The following ADGRA3 variants were observed in gnomAD, a reference collection of about 807,000 sequenced individuals.
The protein encoded by ADGRA3 is adhesion G protein-coupled receptor A3.
In ADGRA3, 56 loss-of-function variants were observed where a neutral mutation model predicts 119.8. The ratio of observed to expected loss-of-function variants is 0.47; its 90% CI spans 0.38 to 0.58. The LOEUF (loss-of-function observed/expected upper bound fraction) is 0.58, where lower values mean the gene tolerates loss of function less well. Among genes scored for constraint, ADGRA3 ranks in the 20% least tolerant of loss-of-function variants. The pLI is 0.00. For missense variants in ADGRA3, 1,516 were observed against 1,649.0 expected, an observed-to-expected ratio of 0.92 and a Z score of 1.40; for synonymous variants, 607 against 623.8, an observed-to-expected ratio of 0.97 and a Z score of 0.40.
intron 3 of ADGRA3, among the ~76,000 whole-genome samples, chr4:22,456,559 T>C (rs1407908152): frequency 1.3e-5 from 2 of 152,206 alleles, no homozygotes; most frequent in East Asian, 1.9e-4. Context: ...GGGGCTTTCA[T>C]GCCTTCGGCC....
chr4:22,395,625 C>T (rs1213344280), intron 16 of ADGRA3, among the ~76,000 whole-genome samples: 1 of 152,168 alleles, frequency 6.6e-6, no homozygotes, highest in South Asian at 2.1e-4. Context: ...CCTTTCTTCT[C>T]CCCTACGGTG....
intron 1 of ADGRA3, among the ~76,000 whole-genome samples, chr4:22,485,742 T>C (rs1213039475): frequency 6.6e-6 from 1 of 152,198 alleles, no homozygotes; most frequent in Non-Finnish European, 1.5e-5. Context: ...ACACAAAAGA[T>C]ACCTGGCACC....
chr4:22,415,033 G>A (rs143339534), intron 12 of ADGRA3, among the ~76,000 whole-genome samples: 17 of 151,396 alleles, frequency 1.1e-4, no homozygotes, highest in Admixed American at 3.3e-4. Flanking sequence ...TTCCTCTTCT[G>A]GACTCACACA....
At chr4:22,403,751 A>G (rs1714771626) in intron 14 of ADGRA3, among the ~76,000 whole-genome samples, 1 of 152,148 alleles carries the variant, frequency 6.6e-6, no homozygotes, top group Non-Finnish European at 1.5e-5. Flanking sequence ...CAAAAGAAAA[A>G]TAATTTAAAA....
intron 14 of ADGRA3, among the ~76,000 whole-genome samples, chr4:22,405,954 A>G (rs1008162891): frequency 2.6e-5 from 4 of 151,646 alleles, no homozygotes; most frequent in African/African-American, 7.3e-5. Context: ...ACCTTACTTC[A>G]CCCCCTCTTC....
At chr4:22,392,885 C>A in intron 16 of ADGRA3, 195 bp from the exon 17 acceptor site, 1 of 523,060 alleles carries the variant, frequency 1.9e-6, no homozygotes, top group Non-Finnish European at 3.3e-6. Flanking sequence ...CTCAAATACA[C>A]AAACCAACAA....
At chr4:22,443,055 A>G (rs1422314956) in intron 6 of ADGRA3, 192 bp from the exon 7 acceptor site, 1 of 682,934 alleles carries the variant, frequency 1.5e-6, no homozygotes. Flanking sequence ...AATTAAAAAG[A>G]AACAATTTCA....
chr4:22,453,985 C>T lies in ADGRA3; in HGVS notation c.473+881G>A, dbSNP rs569045412. On this transcript the variant is annotated intron_variant, in intron 4 of 18. Coordinates refer to ENST00000334304, the MANE Select transcript of ADGRA3 (RefSeq NM_145290.4). ...AAGCAATTCTCGTGACTCAGCCTCC[C>T]GAGTAGCTGGGACTACAGGCATGTG... Among the ~76,000 whole-genome samples the T allele has an allele frequency of 7.2e-5, 11 of 152,068 alleles. No individual in the cohort carries two copies. In the South Asian group the frequency reaches 1.0e-3, roughly 14 times the overall value.
chr4:22,502,505 A>G (rs1401287441), intron 1 of ADGRA3, among the ~76,000 whole-genome samples: 1 of 152,186 alleles, frequency 6.6e-6, no homozygotes, highest in African/African-American at 2.4e-5. Flanking sequence ...AAGAGGATGG[A>G]TTCAAGCTAG....
At chr4:22,497,095 G>A (rs1401949885) in intron 1 of ADGRA3, among the ~76,000 whole-genome samples, 1 of 152,328 alleles carries the variant, frequency 6.6e-6, no homozygotes, top group East Asian at 1.9e-4. Flanking sequence ...CCCACTTAGA[G>A]AGAGTTAGGT....
At chr4:22,502,144 T>C (rs1161856713) in intron 1 of ADGRA3, among the ~76,000 whole-genome samples, 1 of 152,228 alleles carries the variant, frequency 6.6e-6, no homozygotes, top group Non-Finnish European at 1.5e-5. Context: ...GCAGCCAAGC[T>C]AGCCAGGTAC....
intron 16 of ADGRA3, chr4:22,393,725 A>G (rs1330343197): frequency 6.6e-6 from 1 of 152,186 alleles, no homozygotes; most frequent in Admixed American, 6.5e-5. Flanking sequence ...AGAAATCACT[A>G]TATTATTACT....
intron 14 of ADGRA3, among the ~76,000 whole-genome samples, chr4:22,403,401 C>G: frequency 6.6e-6 from 1 of 151,828 alleles, no homozygotes; most frequent in East Asian, 1.9e-4. Flanking sequence ...ATAAGTCAAG[C>G]ACAATTACGG....
intron 14 of ADGRA3, among the ~76,000 whole-genome samples, chr4:22,405,873 C>T (rs909979020): frequency 1.3e-5 from 2 of 152,076 alleles, no homozygotes; most frequent in Admixed American, 1.3e-4. Flanking sequence ...TTTTTGATAA[C>T]TATAGTCACT....
In ADGRA3 at chr4:22,420,989, G is replaced by C. The variant is rs200835396; in HGVS notation, c.1706C>G (p.Thr569Arg). Residue 569 changes from threonine to arginine, a missense_variant, in exon 12 of 19, where the codon ACA becomes AGA. Physicochemically the swap from Thr to Arg is moderately conservative, Grantham distance 71. Coordinates refer to ENST00000334304, the MANE Select transcript of ADGRA3 (RefSeq NM_145290.4). ...CCGCCTCCCATAATCCGAAAGTCCT[G>C]TACGATCAGAGGCTGCCACTTTCTG... Reference protein sequence around the residue: ...VFQKVAASDRTGLSDYGRRDP... With the variant: ...VFQKVAASDRRGLSDYGRRDP... 2.5e-6 allele frequency: 4 copies of C among 1,614,044 alleles called. No homozygotes were observed. The highest frequency in any genetic ancestry group is 3.4e-6 in the Non-Finnish European group (4 of 1,179,978).
At chr4:22,486,458 G>A (rs1275413048) in intron 1 of ADGRA3, among the ~76,000 whole-genome samples, 2 of 152,110 alleles carry the variant, frequency 1.3e-5, no homozygotes, top group Non-Finnish European at 2.9e-5. Context: ...AATCACAAGG[G>A]TATCTGCGTA....
intron 1 of ADGRA3, among the ~76,000 whole-genome samples, chr4:22,499,090 T>G (rs1358920062): frequency 6.6e-6 from 1 of 152,158 alleles, no homozygotes; most frequent in Non-Finnish European, 1.5e-5. Flanking sequence ...GCCTGAGGCT[T>G]AAGTACAAGT....
At chr4:22,440,213 A>G (rs1333513055) in intron 7 of ADGRA3, among the ~76,000 whole-genome samples, 1 of 152,124 alleles carries the variant, frequency 6.6e-6, no homozygotes, top group Non-Finnish European at 1.5e-5. Context: ...TTCCCCTTCA[A>G]TCTCCAAATC....
At chr4:22,434,151 T>C (rs1208586211) in intron 10 of ADGRA3, among the ~76,000 whole-genome samples, 2 of 147,654 alleles carry the variant, frequency 1.4e-5, no homozygotes, top group East Asian at 3.9e-4. Context: ...TATATCTATA[T>C]TAGATACATA....
Sources: gnomAD v4.1 joint callset for allele counts (sites outside exome capture counted in the v4.1 genomes callset) on GRCh38, gnomAD v4.1.1 for gene constraint, MANE v1.5 for transcripts, NCBI Gene and HGNC (gene_info 2026-07-23, HGNC 2026-07-21) for gene names.